The following DYM variants were observed in gnomAD, a reference collection of about 807,000 sequenced individuals.
DYM encodes dyggve-Melchior-Clausen syndrome protein.
In DYM, 78 loss-of-function variants were observed where a neutral mutation model predicts 93.1. The ratio of observed to expected loss-of-function variants is 0.84; its 90% CI spans 0.70 to 1.01. The LOEUF (loss-of-function observed/expected upper bound fraction) is 1.01. Among genes scored for constraint, DYM ranks in the 50% least tolerant of loss-of-function variants. DYM has a pLI of 0.00. For missense variants in DYM, 789 were observed against 845.0 expected (o/e 0.93, Z 0.82); for synonymous variants, 321 against 319.7 (o/e 1.00, Z -0.04).
chr18:49,216,901 G>A (rs1418268146), intron 13 of DYM, among the ~76,000 whole-genome samples: 5 of 152,238 alleles, frequency 3.3e-5, no homozygotes, highest in Admixed American at 6.5e-5. Flanking sequence ...AAAGCTGGAC[G>A]GAGAATGACT....
At position 49,383,600 on chromosome 18, in the gene DYM, C is replaced by T. The variant is rs557945183; in HGVS notation, c.194-3842G>A. On this transcript the variant is annotated intron_variant, in intron 3 of 17. Transcript: ENST00000675505. ...TAAGCAACAGAGGAAATAAACACAG[C>T]CTCTCTGGGAGCAAACAATGCAGCT... 7.3e-4 allele frequency among the ~76,000 whole-genome samples: 111 copies of T among 152,320 alleles called. 1 individual carries two copies. The highest frequency in any genetic ancestry group is 2.6e-3 in the African/African-American group (110 of 41,562).
intron 3 of DYM, 132 bp from the exon 4 acceptor site, chr18:49,379,890 CTAAT>C: frequency 1.4e-6 from 1 of 710,108 alleles, no homozygotes; most frequent in South Asian, 1.6e-5. Flanking sequence ...AATTTCATAC[CTAAT>C]TAGAGAACTA....
At chr18:49,053,713 A>T (rs1437909495) in intron 17 of DYM, among the ~76,000 whole-genome samples, 1 of 152,162 alleles carries the variant, frequency 6.6e-6, no homozygotes, top group Non-Finnish European at 1.5e-5. Flanking sequence ...TCTGGGGGTG[A>T]AGGATAAATT....
intron 2 of DYM, among the ~76,000 whole-genome samples, chr18:49,405,917 G>C (rs1033970301): frequency 6.6e-6 from 1 of 152,012 alleles, no homozygotes; most frequent in Non-Finnish European, 1.5e-5. Context: ...GTGTTTTATT[G>C]TTCTCCTTAT....
At chr18:49,413,177 G>C (rs557036255) in intron 2 of DYM, 1 of 152,436 alleles carries the variant, frequency 6.6e-6, no homozygotes, top group African/African-American at 2.4e-5. Context: ...AGTGTGGCAT[G>C]ATGGTCAACG....
At chr18:49,426,754 CATGTGTGT>C (rs1172567993) in intron 2 of DYM, among the ~76,000 whole-genome samples, 50 of 36,460 alleles carry the variant, frequency 1.4e-3, no homozygotes, top group African/African-American at 3.5e-3. Flanking sequence ...CACTGGAAAA[CATGTGTGT>C]GTGTGTGTGT....
intron 1 of DYM, among the ~76,000 whole-genome samples, chr18:49,449,846 A>G (rs1600365357): frequency 6.6e-6 from 1 of 152,306 alleles, no homozygotes; most frequent in East Asian, 1.9e-4. Context: ...AGGACCCCAT[A>G]AGCCTGACTT....
At chr18:49,114,687 G>T in intron 16 of DYM, 1 of 482,418 alleles carries the variant, frequency 2.1e-6, no homozygotes, top group Non-Finnish European at 2.7e-6. Flanking sequence ...GTGTGTGTGT[G>T]TGTTTAAGAG....
chr18:49,397,916 G>T (rs2070310268), intron 2 of DYM, among the ~76,000 whole-genome samples: 1 of 152,036 alleles, frequency 6.6e-6, no homozygotes, highest in African/African-American at 2.4e-5. Context: ...TTTCAATGTG[G>T]CTACTAGAAA....
intron 14 of DYM, among the ~76,000 whole-genome samples, chr18:49,177,170 G>A (rs2089474383): frequency 6.6e-6 from 1 of 152,150 alleles, no homozygotes; most frequent in African/African-American, 2.4e-5. Flanking sequence ...TTGGAAAGTG[G>A]AATGACCTCA....
chr18:49,396,024 C>T (rs1038504822), intron 2 of DYM, among the ~76,000 whole-genome samples: 3 of 152,116 alleles, frequency 2.0e-5, no homozygotes, highest in African/African-American at 7.2e-5. Flanking sequence ...AAGAGCCTGG[C>T]ACCTCCCCGC....
Position 49,040,523 on chromosome 18 carries a change from C to A in DYM, c.*3532G>T, listed in dbSNP as rs1363081380. On this transcript the variant is annotated 3_prime_UTR_variant, in exon 18 of 18. Transcript: ENST00000675505. ...ACTTCTCAGTTCTTCATATGCATAG[C>A]TAGCTTAGCTCTTCATCACTGAATA... Among the ~76,000 whole-genome samples, 1 of 152,196 alleles carries A rather than the reference C, an allele frequency of 6.6e-6. No individual in the cohort carries two copies. Among genetic ancestry groups the A allele is most frequent in the African/African-American group, 2.4e-5 (1 of 41,442 alleles).
chr18:49,183,363 A>G (rs566475608), intron 14 of DYM, among the ~76,000 whole-genome samples: 9 of 152,242 alleles, frequency 5.9e-5, no homozygotes, highest in African/African-American at 2.2e-4. Flanking sequence ...GACAAACACC[A>G]CAAGGCAGTC....
At chr18:49,123,762 A>C (rs2082576576) in intron 15 of DYM, among the ~76,000 whole-genome samples, 1 of 152,222 alleles carries the variant, frequency 6.6e-6, no homozygotes, top group Non-Finnish European at 1.5e-5. Context: ...ATTTGGAACT[A>C]ACAAGATAAT....
At chr18:49,171,562 T>C (rs1600323383) in intron 14 of DYM, among the ~76,000 whole-genome samples, 1 of 152,042 alleles carries the variant, frequency 6.6e-6, no homozygotes, top group Admixed American at 6.6e-5. Flanking sequence ...GCTACTAAAA[T>C]GTAAAACAAT....
intron 2 of DYM, among the ~76,000 whole-genome samples, chr18:49,395,411 C>A (rs892848958): frequency 3.3e-5 from 5 of 152,176 alleles, no homozygotes; most frequent in Non-Finnish European, 1.5e-5. Flanking sequence ...AGGAGGATCA[C>A]CTGACGTTGG....
chr18:49,086,087 A>C (rs1288033040), intron 17 of DYM, among the ~76,000 whole-genome samples: 1 of 152,206 alleles, frequency 6.6e-6, no homozygotes, highest in Non-Finnish European at 1.5e-5. Context: ...CTGCCCTTGC[A>C]TTGTGAACTT....
chr18:49,283,976 T>C (rs984082064), intron 9 of DYM, among the ~76,000 whole-genome samples: 1 of 152,210 alleles, frequency 6.6e-6, no homozygotes, highest in Non-Finnish European at 1.5e-5. Flanking sequence ...TTCCTTTTTT[T>C]TGTGGTTGGC....
At chr18:49,404,737 C>T (rs369651654) in intron 2 of DYM, among the ~76,000 whole-genome samples, 2 of 152,024 alleles carry the variant, frequency 1.3e-5, no homozygotes, top group African/African-American at 2.4e-5. Flanking sequence ...TGTCCATTCA[C>T]GGCTGGGCAT....
Sources: allele counts gnomAD v4.1 joint callset (sites outside exome capture counted in the v4.1 genomes callset), GRCh38; gene constraint gnomAD v4.1.1; transcripts MANE v1.5; gene names NCBI Gene and HGNC (gene_info 2026-07-23, HGNC 2026-07-21).